MICU2: variants seen among roughly 807,000 people sequenced by gnomAD.
MICU2 encodes the protein calcium uptake protein 2, mitochondrial.
Under a neutral mutation model 60.4 loss-of-function variants are expected in MICU2, and 64 were observed. The observed-to-expected ratio is 1.06, with a 90% CI of 0.87 to 1.31. The LOEUF (loss-of-function observed/expected upper bound fraction) is 1.31, where lower values mean the gene tolerates loss of function less well. MICU2 is among the 50% of genes most tolerant of loss of function. MICU2 has a pLI of 0.00. For missense variants in MICU2, 569 were observed against 531.0 expected (o/e 1.07, Z -0.70); for synonymous variants, 201 against 175.0 (o/e 1.15, Z -1.17).
intron 1 of MICU2, among the ~76,000 whole-genome samples, chr13:21,571,611 TG>T (rs1336883395): frequency 6.6e-6 from 1 of 152,114 alleles, no homozygotes; most frequent in Non-Finnish European, 1.5e-5. Context: ...AGCAGGAGAA[TG>T]GCGTGAACCC....
At chr13:21,598,038 A>C in intron 1 of MICU2, among the ~76,000 whole-genome samples, 1 of 152,132 alleles carries the variant, frequency 6.6e-6, no homozygotes, top group Non-Finnish European at 1.5e-5. Flanking sequence ...TACAAATGTA[A>C]ATAAACATAT....
At chr13:21,496,006 A>G (rs1401995373) in intron 10 of MICU2, 46 bp downstream of exon 10, 1 of 1,370,464 alleles carries the variant, frequency 7.3e-7, no homozygotes, top group South Asian at 1.3e-5. Context: ...ATATAGTAAA[A>G]CTGTTTATAG....
At chr13:21,566,724 C>T (rs1031184655) in intron 2 of MICU2, 73 bp downstream of exon 2, 137 of 1,252,354 alleles carry the variant, frequency 1.1e-4, no homozygotes, top group Non-Finnish European at 3.3e-5. Context: ...AAGCTGTTAT[C>T]AATCCTGAAA....
chr13:21,521,178 A>G, intron 6 of MICU2, 67 bp downstream of exon 6: 1 of 1,218,618 alleles, frequency 8.2e-7, no homozygotes, highest in South Asian at 1.4e-5. Flanking sequence ...TTTAATGGAA[A>G]TGTAAAATTA....
chr13:21,508,149 G>T, intron 8 of MICU2, among the ~76,000 whole-genome samples: 1 of 139,166 alleles, frequency 7.2e-6, no homozygotes. Context: ...TTTTTGAGAC[G>T]GAGTCTCGCT....
chr13:21,531,371 G>A, intron 4 of MICU2: 2 of 1,249,088 alleles, frequency 1.6e-6, no homozygotes, highest in Non-Finnish European at 2.3e-6. Context: ...TTTTTATTAA[G>A]GGACCCTGCA....
In MICU2 at chr13:21,517,793, A is replaced by G. The variant is rs537137415; in HGVS notation, c.598-3375T>C. Among the ~76,000 whole-genome samples the G allele has an allele frequency of 9.2e-3, 892 of 97,190 alleles. 6 individuals carry two copies. The highest frequency in any genetic ancestry group is 0.023 in the African/African-American group (639 of 27,570). The allele number at this position is 97,190 out of a possible 152,430, so 63.8% of individuals were successfully genotyped here. A position where few individuals can be genotyped will look rare whatever the true frequency, so the allele number is the denominator to read the frequency against. On this transcript the variant is annotated intron_variant, in intron 6 of 11. Transcript: ENST00000382374. ...AGGACACACACACACACACACACAC[A>G]CACACACGCGCGCGCGCGCGCACAC...
chr13:21,512,445 ATTTT>A (rs139822285), intron 7 of MICU2, among the ~76,000 whole-genome samples: 1 of 125,226 alleles, frequency 8.0e-6, no homozygotes, highest in Non-Finnish European at 1.7e-5. Context: ...CAAATTTTTA[ATTTT>A]TTTTTTTTTT....
At chr13:21,505,688 T>C (rs893946265) in intron 8 of MICU2, among the ~76,000 whole-genome samples, 4 of 152,198 alleles carry the variant, frequency 2.6e-5, no homozygotes, top group African/African-American at 9.6e-5. Flanking sequence ...GGTAACCTAG[T>C]CTGGTACTTG....
At chr13:21,509,375 A>G (rs1428453025) in intron 8 of MICU2, among the ~76,000 whole-genome samples, 1 of 152,172 alleles carries the variant, frequency 6.6e-6, no homozygotes, top group Non-Finnish European at 1.5e-5. Context: ...CTATTTGTTA[A>G]TGTACTGTTT....
At chr13:21,546,220 T>G (rs942971324) in intron 2 of MICU2, among the ~76,000 whole-genome samples, 1 of 151,894 alleles carries the variant, frequency 6.6e-6, no homozygotes, top group African/African-American at 2.4e-5. Flanking sequence ...TTCCCTAAAA[T>G]GCCTAAAACT....
chr13:21,552,324 ATAT>A (rs1887591457), intron 2 of MICU2, among the ~76,000 whole-genome samples: 1 of 151,950 alleles, frequency 6.6e-6, no homozygotes, highest in South Asian at 2.1e-4. Context: ...TAGATTCTGG[ATAT>A]TAGCCCTTTG....
At chr13:21,531,354 C>A in intron 4 of MICU2, 2 of 1,446,796 alleles carry the variant, frequency 1.4e-6, no homozygotes, top group Non-Finnish European at 1.9e-6. Flanking sequence ...TGATGGAATG[C>A]TTTTATTTTT....
chr13:21,572,415 G>C (rs773530619), intron 1 of MICU2, among the ~76,000 whole-genome samples: 2 of 152,192 alleles, frequency 1.3e-5, no homozygotes, highest in Admixed American at 6.5e-5. Context: ...TGAGACTTCC[G>C]TTAGTGCCAA....
At chr13:21,539,165 G>T in intron 4 of MICU2, 137 bp downstream of exon 4, 1 of 708,354 alleles carries the variant, frequency 1.4e-6, no homozygotes, top group Non-Finnish European at 2.3e-6. Flanking sequence ...CAAAGACTTT[G>T]AAAAAGTTAC....
Position 21,493,220 on chromosome 13 carries a change from AT to A in MICU2, c.*28del. On this transcript the variant is annotated 3_prime_UTR_variant, in exon 12 of 12. Coordinates refer to ENST00000382374, the MANE Select transcript of MICU2 (RefSeq NM_152726.3). ...ATCACAAATTTTGACATTTGGAACA[AT>A]ATAATTGCCATACTATTATATCTTT... The A allele has an allele frequency of 6.8e-7, 1 of 1,476,990 alleles. No homozygotes were observed. Among genetic ancestry groups the A allele is most frequent in the African/African-American group, 1.4e-5 (1 of 70,974 alleles). 91.5% of individuals were successfully genotyped at this position (1,476,990 alleles called of 1,614,324 possible).
At chr13:21,542,684 T>G (rs1887313932) in intron 2 of MICU2, among the ~76,000 whole-genome samples, 1 of 152,186 alleles carries the variant, frequency 6.6e-6, no homozygotes, top group Non-Finnish European at 1.5e-5. Flanking sequence ...GCATAGATCT[T>G]GAAGCACTAG....
chr13:21,539,407 C>A, intron 3 of MICU2, 30 bp from the exon 4 acceptor site: 1 of 1,588,306 alleles, frequency 6.3e-7, no homozygotes, highest in Non-Finnish European at 8.6e-7. Context: ...AATTAAACTT[C>A]TAAAAGTTCA....
At chr13:21,494,177 T>C (rs1566135993) in intron 11 of MICU2, among the ~76,000 whole-genome samples, 2 of 152,240 alleles carry the variant, frequency 1.3e-5, no homozygotes, top group African/African-American at 4.8e-5. Flanking sequence ...TGTTTGCTAA[T>C]GAAAATAATA....
Sources: allele counts gnomAD v4.1 joint callset (sites outside exome capture counted in the v4.1 genomes callset), GRCh38; gene constraint gnomAD v4.1.1; transcripts MANE v1.5; gene names NCBI Gene and HGNC (gene_info 2026-07-23, HGNC 2026-07-21).